KCNQ1: variants seen among roughly 807,000 people sequenced by gnomAD.
KCNQ1 encodes potassium voltage-gated channel subfamily KQT member 1.
Under a neutral mutation model 72.4 loss-of-function variants are expected in KCNQ1, and 49 were observed. The observed-to-expected ratio is 0.68, with a 90% CI of 0.54 to 0.86. The LOEUF (loss-of-function observed/expected upper bound fraction) is 0.86, where lower values mean the gene tolerates loss of function less well. Among genes scored for constraint, KCNQ1 ranks in the 40% least tolerant of loss-of-function variants. The pLI, the probability that KCNQ1 is intolerant of heterozygous loss-of-function variation, is 0.00. For synonymous variants in KCNQ1, 450 were observed against 412.6 expected, an observed-to-expected ratio of 1.09 and a Z score of -1.10; for missense variants, 790 against 945.1, an observed-to-expected ratio of 0.84 and a Z score of 2.15.
intron 1 of KCNQ1, among the ~76,000 whole-genome samples, chr11:2,513,031 G>A (rs1310004717): frequency 1.3e-5 from 2 of 152,166 alleles, no homozygotes; most frequent in Non-Finnish European, 2.9e-5. Flanking sequence ...GGCTGCTCAA[G>A]CCCCGGCCTG....
chr11:2,750,867 C>A lies in KCNQ1; in HGVS notation c.1515-17977C>A, dbSNP rs1436371276. Among the ~76,000 whole-genome samples, 1 of 152,148 alleles carries A rather than the reference C, an allele frequency of 6.6e-6. No homozygotes were observed. Among genetic ancestry groups the A allele is most frequent in the South Asian group, 2.1e-4 (1 of 4,824 alleles). ...TAACTTAATGAGGGCTGACAGCCTG[C>A]GACAAACGTCCTCATAATCTCCCCA... On this transcript the variant is annotated intron_variant, in intron 11 of 15. Coordinates refer to ENST00000155840, the MANE Select transcript of KCNQ1 (RefSeq NM_000218.3). This position sits in a 1 kb window ranked among gnomAD's most constrained non-coding sequence, Gnocchi z 6.3.
Position 2,670,835 on chromosome 11 carries a change from C to G in KCNQ1, c.1514+8754C>G. The G allele has an allele frequency of 2.5e-6, 1 of 398,606 alleles. No individual in the cohort carries two copies. The highest frequency in any genetic ancestry group is 4.4e-6 in the Non-Finnish European group (1 of 226,074). The allele number at this position is 398,606 out of a possible 1,614,324, so 24.7% of individuals were successfully genotyped here. A position where few individuals can be genotyped will look rare whatever the true frequency, so the allele number is the denominator to read the frequency against. On this transcript the variant is annotated intron_variant, in intron 11 of 15. Transcript: ENST00000155840. The surrounding 1 kb of genome is among the most constrained non-coding windows in gnomAD (Gnocchi z 4.9). ...TGCATCATAAACCTGGTGCCACCAG[C>G]CAAGGAGGTCAAAGGTCCTCACTGG... is the stretch of plus-strand genomic sequence containing the variant.
At position 2,677,363 on chromosome 11, in the gene KCNQ1, T is replaced by C. The variant is rs989817762; in HGVS notation, c.1514+15282T>C. The C allele has an allele frequency of 7.5e-6, 3 of 398,484 alleles. No homozygotes were observed. The highest frequency in any genetic ancestry group is 4.4e-5 in the Admixed American group (1 of 22,714). The allele number at this position is 398,484 out of a possible 1,614,324, so 24.7% of individuals were successfully genotyped here. On this transcript the variant is annotated intron_variant, in intron 11 of 15. Coordinates refer to ENST00000155840, the MANE Select transcript of KCNQ1 (RefSeq NM_000218.3). This position sits in a 1 kb window ranked among gnomAD's most constrained non-coding sequence, Gnocchi z 4.5. Reference sequence around the variant, plus strand: ...TAGAGACTGGGCAGAGTAGACCAGTTAGTTAATCAGTTGAAGAGGAAACCA... The same window carrying C: ...TAGAGACTGGGCAGAGTAGACCAGTCAGTTAATCAGTTGAAGAGGAAACCA...
chr11:2,794,619 A>C (rs1847095519), intron 15 of KCNQ1, among the ~76,000 whole-genome samples: 1 of 152,162 alleles, frequency 6.6e-6, no homozygotes, highest in African/African-American at 2.4e-5. Context: ...GTGTGTTCAC[A>C]GATTAGCGGG....
At chr11:2,583,255 G>A (rs1199880494) in intron 6 of KCNQ1, among the ~76,000 whole-genome samples, 180 bp from the exon 7 acceptor site, 1 of 152,192 alleles carries the variant, frequency 6.6e-6, no homozygotes, top group African/African-American at 2.4e-5. Flanking sequence ...GAGCCTGGGA[G>A]ACATGTGCCA....
At chr11:2,765,609 A>G (rs1195874660) in intron 11 of KCNQ1, among the ~76,000 whole-genome samples, 1 of 152,150 alleles carries the variant, frequency 6.6e-6, no homozygotes, top group South Asian at 2.1e-4. Context: ...TTTCTCTTTT[A>G]GCTTTTAGTT....
chr11:2,449,876 G>A (rs563948966), intron 1 of KCNQ1, among the ~76,000 whole-genome samples: 14 of 152,300 alleles, frequency 9.2e-5, no homozygotes, highest in African/African-American at 2.9e-4. Context: ...ACGAGCAAGC[G>A]TCCTCGAGTC....
Position 2,549,660 on chromosome 11 carries a change from A to C in KCNQ1, c.478-20968A>C, listed in dbSNP as rs993072058. ...GTGGGGGGGCCTCCTCCTCCCAAGC[A>C]CCTGGGGTGGGAACAAGAGGCGTTT... On this transcript the variant is annotated intron_variant, in intron 2 of 15. Coordinates refer to ENST00000155840, the MANE Select transcript of KCNQ1 (RefSeq NM_000218.3). The surrounding 1 kb of genome is among the most constrained non-coding windows in gnomAD (Gnocchi z 6.2). Among the ~76,000 whole-genome samples, 1 of 151,824 alleles carries C rather than the reference A, an allele frequency of 6.6e-6. No individual in the cohort carries two copies. Among genetic ancestry groups the C allele is most frequent in the African/African-American group, 2.4e-5 (1 of 41,284 alleles).
chr11:2,648,981 C>CTTTTTTTTTT, intron 10 of KCNQ1: 25 of 213,270 alleles, frequency 1.2e-4, no homozygotes, highest in African/African-American at 3.1e-4. Context: ...TTTTCTTTTT[C>CTTTTTTTTTT]TTTTTTTTTT....
intron 6 of KCNQ1, among the ~76,000 whole-genome samples, chr11:2,575,961 G>A (rs912373897): frequency 2.6e-5 from 4 of 152,196 alleles, no homozygotes; most frequent in Admixed American, 6.5e-5. Context: ...TCCTCTCCCC[G>A]TGGCTGGAGA....
intron 10 of KCNQ1, among the ~76,000 whole-genome samples, chr11:2,607,527 C>T (rs1193496642): frequency 6.6e-6 from 1 of 152,092 alleles, no homozygotes; most frequent in African/African-American, 2.4e-5. Flanking sequence ...TTTTTTCTTC[C>T]GTCATATGAG....
Position 2,669,388 on chromosome 11 carries a change from T to C in KCNQ1, c.1514+7307T>C. ...GGTATCCTTATAGTTTTGGGGCTCC[T>C]GAAACATGGCATCATGTGTCCCTTG... is the stretch of plus-strand genomic sequence containing the variant. On this transcript the variant is annotated intron_variant, in intron 11 of 15. Transcript: ENST00000155840. This position sits in a 1 kb window ranked among gnomAD's most constrained non-coding sequence, Gnocchi z 5.6. 2.5e-6 allele frequency: 1 copy of C among 398,670 alleles called. No individual in the cohort carries two copies. 24.7% of individuals were successfully genotyped at this position (398,670 alleles called of 1,614,324 possible).
chr11:2,774,871 G>A (rs1239735551), intron 12 of KCNQ1, among the ~76,000 whole-genome samples: 1 of 152,148 alleles, frequency 6.6e-6, no homozygotes, highest in Non-Finnish European at 1.5e-5. Flanking sequence ...CGGTACCTGA[G>A]CTTCCTCCTT....
chr11:2,540,136 C>T (rs563829152), intron 2 of KCNQ1, among the ~76,000 whole-genome samples: 13 of 152,112 alleles, frequency 8.5e-5, no homozygotes, highest in Non-Finnish European at 1.9e-4. Flanking sequence ...CAGTGGGGTC[C>T]ACCCGCTGTG....
rs16928535 is a variant in KCNQ1, at chr11:2,677,050, T to G, written c.1514+14969T>G. On this transcript the variant is annotated intron_variant, in intron 11 of 15. Coordinates refer to ENST00000155840, the MANE Select transcript of KCNQ1 (RefSeq NM_000218.3). This position sits in a 1 kb window ranked among gnomAD's most constrained non-coding sequence, Gnocchi z 4.5. ...TCTGTTGATGGATATGTAGGGCAGC[T>G]AAAAAACAGCAGCCATTAACCATTC... The G allele has an allele frequency of 0.014, 5,643 of 398,612 alleles. 194 individuals are homozygous for G. The highest frequency in any genetic ancestry group is 0.096 in the East Asian group (2,686 of 28,082). 24.7% of individuals were successfully genotyped at this position (398,612 alleles called of 1,614,324 possible).
rs1159060312 is a variant in KCNQ1, at chr11:2,602,764, A to G, written c.1393+13910A>G. Among the ~76,000 whole-genome samples, 2 of 152,172 alleles carry G rather than the reference A, an allele frequency of 1.3e-5. No homozygotes were observed. Among genetic ancestry groups the G allele is most frequent in the African/African-American group, 2.4e-5 (1 of 41,436 alleles). On this transcript the variant is annotated intron_variant, in intron 10 of 15. Transcript: ENST00000155840. This position sits in a 1 kb window ranked among gnomAD's most constrained non-coding sequence, Gnocchi z 4.8. ...GTTGATATCATTTTTCCATTTCCCA[A>G]TTAGACTTTTTGTTAACTGTCGAGT...
chr11:2,728,375 C>T (rs763556477), intron 11 of KCNQ1, among the ~76,000 whole-genome samples: 8 of 152,254 alleles, frequency 5.3e-5, no homozygotes, highest in Non-Finnish European at 7.3e-5. Context: ...GGACCACAGC[C>T]GGCTGAACGC....
At chr11:2,800,753 G>A (rs1481190223) in intron 15 of KCNQ1, among the ~76,000 whole-genome samples, 8 of 152,192 alleles carry the variant, frequency 5.3e-5, no homozygotes, top group East Asian at 1.9e-4. Flanking sequence ...ACATGCTTGC[G>A]GGGGTTCAGG....
intron 2 of KCNQ1, among the ~76,000 whole-genome samples, chr11:2,535,373 C>T (rs992227005): frequency 6.6e-6 from 1 of 152,168 alleles, no homozygotes; most frequent in Non-Finnish European, 1.5e-5. Context: ...GGGTCAGGGT[C>T]GACCCCTGAT....
Sources: allele counts gnomAD v4.1 joint callset (sites outside exome capture counted in the v4.1 genomes callset), GRCh38; gene constraint gnomAD v4.1.1; non-coding constraint Gnocchi (gnomAD v3.1); transcripts MANE v1.5; gene names NCBI Gene and HGNC (gene_info 2026-07-23, HGNC 2026-07-21).